The following GRID2 variants were observed in gnomAD, a reference collection of about 807,000 sequenced individuals.
GRID2 encodes glutamate ionotropic receptor delta type subunit 2, also known as glutamate receptor ionotropic, delta-2.
GRID2 carries 33 observed loss-of-function variants against 114.8 expected under a neutral mutation model. The observed-to-expected ratio is 0.29, with a 90% CI of 0.22 to 0.38. The LOEUF (loss-of-function observed/expected upper bound fraction) is 0.38, where lower values mean the gene tolerates loss of function less well. Among genes scored for constraint, GRID2 ranks in the 10% least tolerant of loss-of-function variants. The pLI, the probability that GRID2 is intolerant of heterozygous loss-of-function variation, is 1.00. For missense variants in GRID2, 1,184 were observed against 1,257.7 expected (o/e 0.94, Z 0.89); for synonymous variants, 505 against 449.9 (o/e 1.12, Z -1.55).
At chr4:92,731,394 A>G (rs192135540) in intron 2 of GRID2, among the ~76,000 whole-genome samples, 1 of 152,108 alleles carries the variant, frequency 6.6e-6, no homozygotes, top group African/African-American at 2.4e-5. Flanking sequence ...TACTTTTGCA[A>G]CAACCTAGTA....
intron 14 of GRID2, among the ~76,000 whole-genome samples, chr4:93,659,975 C>T (rs748395941): frequency 5.9e-5 from 9 of 151,678 alleles, no homozygotes; most frequent in Non-Finnish European, 1.3e-4. Context: ...TGAATACCAG[C>T]ATTGGTATGA....
intron 2 of GRID2, among the ~76,000 whole-genome samples, chr4:92,866,634 C>G (rs1368956570): frequency 6.6e-6 from 1 of 151,966 alleles, no homozygotes; most frequent in East Asian, 1.9e-4. Context: ...AGGTCCGCCT[C>G]CCGGGTTCAC....
At chr4:92,768,687 G>C (rs1738386062) in intron 2 of GRID2, among the ~76,000 whole-genome samples, 1 of 152,162 alleles carries the variant, frequency 6.6e-6, no homozygotes, top group African/African-American at 2.4e-5. Flanking sequence ...GCAAGGAGGA[G>C]CAACTCACGT....
At chr4:92,399,636 GCTCTCTCT>G (rs749067156) in intron 1 of GRID2, among the ~76,000 whole-genome samples, 145 of 141,892 alleles carry the variant, frequency 1.0e-3, no homozygotes, top group Middle Eastern at 4.8e-3. Flanking sequence ...AATAAAAGCA[GCTCTCTCT>G]CTCTCTCTCT....
At chr4:92,919,944 T>C (rs1289303016) in intron 2 of GRID2, among the ~76,000 whole-genome samples, 1 of 152,174 alleles carries the variant, frequency 6.6e-6, no homozygotes, top group Non-Finnish European at 1.5e-5. Flanking sequence ...ATGTTGACAG[T>C]GGGGTGTTAA....
At chr4:93,344,186 C>T (rs954910540) in intron 8 of GRID2, among the ~76,000 whole-genome samples, 4 of 152,018 alleles carry the variant, frequency 2.6e-5, no homozygotes, top group Non-Finnish European at 5.9e-5. Context: ...CCTTACAAGA[C>T]TGGTCATCAA....
At chr4:92,716,796 A>G (rs1735573954) in intron 2 of GRID2, among the ~76,000 whole-genome samples, 1 of 152,184 alleles carries the variant, frequency 6.6e-6, no homozygotes, top group Non-Finnish European at 1.5e-5. Flanking sequence ...GTTGAAATGT[A>G]TTCACTTAAA....
At chr4:92,358,287 G>A (rs1044387752) in intron 1 of GRID2, among the ~76,000 whole-genome samples, 3 of 151,900 alleles carry the variant, frequency 2.0e-5, no homozygotes, top group Non-Finnish European at 4.4e-5. Context: ...CATCTGTATT[G>A]TACATATCTG....
intron 2 of GRID2, among the ~76,000 whole-genome samples, chr4:92,882,529 C>T (rs967529403): frequency 6.6e-6 from 1 of 151,340 alleles, no homozygotes; most frequent in African/African-American, 2.4e-5. Flanking sequence ...ATGCCTAGAA[C>T]TATATTAGGG....
At chr4:93,309,922 G>A (rs1755835108) in intron 8 of GRID2, among the ~76,000 whole-genome samples, 3 of 152,056 alleles carry the variant, frequency 2.0e-5, no homozygotes, top group Admixed American at 6.6e-5. Flanking sequence ...AAATTGATGG[G>A]CTTTGCTTTA....
chr4:93,743,417 G>A (rs1037642379), intron 14 of GRID2, among the ~76,000 whole-genome samples: 4 of 152,200 alleles, frequency 2.6e-5, no homozygotes, highest in Non-Finnish European at 2.9e-5. Flanking sequence ...CAATGTAGAC[G>A]AAACAGCTGT....
Position 93,578,592 on chromosome 4 carries a change from T to G in GRID2, c.2194-47677T>G, listed in dbSNP as rs112562445. Among the ~76,000 whole-genome samples the G allele has an allele frequency of 1.2e-3, 150 of 124,260 alleles. 2 individuals are homozygous for G. The highest frequency in any genetic ancestry group is 1.9e-3 in the South Asian group (7 of 3,626). The allele number at this position is 124,260 out of a possible 152,430, so 81.5% of individuals were successfully genotyped here. On this transcript the variant is annotated intron_variant, in intron 13 of 15. Transcript: ENST00000282020. ...AACCTTGTCTTGTTTTTTGTATTTT[T>G]TTTTTTTTTTTTTTTTTTTGAGTTG...
chr4:92,464,901 G>T (rs939038471), intron 1 of GRID2, among the ~76,000 whole-genome samples: 9 of 152,092 alleles, frequency 5.9e-5, no homozygotes, highest in African/African-American at 2.2e-4. Flanking sequence ...GGATCACGGG[G>T]GCAGATTTCC....
chr4:93,488,018 A>G (rs1726587689), intron 11 of GRID2, among the ~76,000 whole-genome samples: 1 of 151,986 alleles, frequency 6.6e-6, no homozygotes, highest in Non-Finnish European at 1.5e-5. Context: ...CAAAGATTAA[A>G]AAACTCAAGT....
intron 2 of GRID2, among the ~76,000 whole-genome samples, chr4:92,601,699 G>T (rs75864778): frequency 1.8e-3 from 277 of 151,898 alleles, no homozygotes; most frequent in African/African-American, 6.3e-3. Context: ...GAACTGGAGG[G>T]AGAGACATGA....
intron 13 of GRID2, among the ~76,000 whole-genome samples, chr4:93,622,567 C>T (rs1030607251): frequency 2.0e-5 from 3 of 152,218 alleles, no homozygotes; most frequent in South Asian, 2.1e-4. Flanking sequence ...AAACACTGAC[C>T]GATAGCACCT....
intron 1 of GRID2, among the ~76,000 whole-genome samples, chr4:92,308,236 A>G (rs1467621114): frequency 2.0e-5 from 3 of 152,178 alleles, no homozygotes; most frequent in Non-Finnish European, 4.4e-5. Flanking sequence ...CATATCAACT[A>G]TGGAAGATCT....
chr4:93,198,446 G>A (rs1370810570), intron 4 of GRID2, among the ~76,000 whole-genome samples: 6 of 152,086 alleles, frequency 3.9e-5, no homozygotes, highest in Non-Finnish European at 7.4e-5. Context: ...CAATCCAGGA[G>A]GCAACATAAG....
intron 7 of GRID2, among the ~76,000 whole-genome samples, chr4:93,226,529 G>T (rs753582382): frequency 6.6e-6 from 1 of 152,200 alleles, no homozygotes; most frequent in Non-Finnish European, 1.5e-5. Context: ...GCTGAGACAG[G>T]GATTGGGCCC....
Sources: allele counts gnomAD v4.1 joint callset (sites outside exome capture counted in the v4.1 genomes callset), GRCh38; gene constraint gnomAD v4.1.1; transcripts MANE v1.5; gene names NCBI Gene and HGNC (gene_info 2026-07-23, HGNC 2026-07-21).